The following CRPPA variants were observed in gnomAD, a reference collection of about 807,000 sequenced individuals.
CRPPA encodes the protein D-ribitol-5-phosphate cytidylyltransferase.
A neutral mutation model predicts 52.0 loss-of-function variants in CRPPA; 43 were observed. The ratio of observed to expected loss-of-function variants is 0.83; its 90% CI spans 0.65 to 1.07. CRPPA has a LOEUF of 1.07. Ranked by LOEUF, CRPPA falls within the 50% of genes least tolerant of loss-of-function variation. The pLI is 0.00. For synonymous variants in CRPPA, 250 were observed against 203.5 expected (o/e 1.23, Z -1.94); for missense variants, 629 against 551.7 (o/e 1.14, Z -1.40).
At chr7:16,276,707 A>C (rs1010371657) in intron 6 of CRPPA, 2 of 152,214 alleles carry the variant, frequency 1.3e-5, no homozygotes, top group African/African-American at 4.8e-5. Flanking sequence ...TAAGGATTGT[A>C]GTGGCTATCA....
rs145235443 is a variant in CRPPA, at chr7:16,331,296, G to T, written c.685-22669C>A. On this transcript the variant is annotated intron_variant, in intron 3 of 9. Transcript: ENST00000407010. ...TTACAGGCGTGAGCCACTGCACCTG[G>T]CCAGAAACGTGTTTTACAAGGCATA... Among the ~76,000 whole-genome samples the T allele has an allele frequency of 1.0e-3, 159 of 152,232 alleles. 1 individual carries two copies. In the East Asian group the frequency reaches 0.019, roughly 18 times the overall value.
chr7:16,138,687 T>G (rs1430681360), intron 9 of CRPPA, among the ~76,000 whole-genome samples: 1 of 152,206 alleles, frequency 6.6e-6, no homozygotes, highest in African/African-American at 2.4e-5. Flanking sequence ...AATAGTGTAA[T>G]TTTCTTTAAA....
Position 16,242,769 on chromosome 7 carries a change from TA to T in CRPPA, c.1119+15620del, listed in dbSNP as rs200236931. On this transcript the variant is annotated intron_variant, in intron 8 of 9. Coordinates refer to ENST00000407010, the MANE Select transcript of CRPPA (RefSeq NM_001101426.4). Reference sequence around the variant, plus strand: ...TCCGTTATGCTGACCAGTCTCCAATTAAAAAAAAATTTTTTTCACCTAAGCA... The same window carrying T: ...TCCGTTATGCTGACCAGTCTCCAATTAAAAAAAATTTTTTTCACCTAAGCA... Among the ~76,000 whole-genome samples the T allele has an allele frequency of 7.2e-5, 11 of 152,130 alleles. No homozygotes were observed. The South Asian group carries it at 1.0e-3, about 14-fold the overall frequency.
intron 2 of CRPPA, among the ~76,000 whole-genome samples, chr7:16,386,331 T>C (rs1218474186): frequency 1.3e-5 from 2 of 152,190 alleles, no homozygotes; most frequent in Non-Finnish European, 2.9e-5. Flanking sequence ...CTTCTGCTCA[T>C]GGAGCCTGGG....
chr7:16,119,786 G>A (rs1782446769), intron 9 of CRPPA, among the ~76,000 whole-genome samples: 1 of 152,220 alleles, frequency 6.6e-6, no homozygotes, highest in Admixed American at 6.5e-5. Context: ...GGTTTTGGAT[G>A]TTAGGAGCAA....
At chr7:16,300,040 T>G (rs1784761280) in intron 5 of CRPPA, among the ~76,000 whole-genome samples, 1 of 152,230 alleles carries the variant, frequency 6.6e-6, no homozygotes, top group Non-Finnish European at 1.5e-5. Context: ...TCAGCCGACT[T>G]TTCCAGAGTA....
At chr7:16,189,212 T>C (rs1186569618) in intron 9 of CRPPA, among the ~76,000 whole-genome samples, 2 of 152,160 alleles carry the variant, frequency 1.3e-5, no homozygotes, top group Non-Finnish European at 2.9e-5. Flanking sequence ...TCTTACAACC[T>C]TCATTGGCAA....
intron 3 of CRPPA, among the ~76,000 whole-genome samples, chr7:16,342,538 T>C (rs1785874095): frequency 6.6e-6 from 1 of 151,784 alleles, no homozygotes; most frequent in Non-Finnish European, 1.5e-5. Context: ...GGATGTGGCA[T>C]GTAAAAGTCA....
intron 9 of CRPPA, among the ~76,000 whole-genome samples, chr7:16,200,283 A>G (rs191373120): frequency 6.6e-6 from 1 of 152,342 alleles, no homozygotes; most frequent in African/African-American, 2.4e-5. Context: ...CTTACATACT[A>G]AGTGACTTAG....
chr7:16,277,637 C>T (rs1784232950), intron 6 of CRPPA, among the ~76,000 whole-genome samples: 1 of 152,164 alleles, frequency 6.6e-6, no homozygotes, highest in South Asian at 2.1e-4. Context: ...ACACTTATTG[C>T]ATCTTCTATT....
intron 3 of CRPPA, among the ~76,000 whole-genome samples, chr7:16,319,840 T>C (rs1382398736): frequency 6.6e-6 from 1 of 152,126 alleles, no homozygotes; most frequent in Non-Finnish European, 1.5e-5. Flanking sequence ...TCTGCTAGGG[T>C]GGTCATAGAT....
At chr7:16,207,356 TTTAAAA>T (rs1185193514) in intron 9 of CRPPA, among the ~76,000 whole-genome samples, 1 of 152,206 alleles carries the variant, frequency 6.6e-6, no homozygotes, top group Non-Finnish European at 1.5e-5. Flanking sequence ...ATGTCAAATC[TTTAAAA>T]TTAGGTTGAC....
chr7:16,278,260 AC>A, intron 5 of CRPPA, 34 bp from the exon 6 acceptor site: 1 of 1,113,218 alleles, frequency 9.0e-7, no homozygotes, highest in Non-Finnish European at 1.3e-6. Flanking sequence ...TAAGTTTCAA[AC>A]AAAACATGTA....
rs572550107 is a variant in CRPPA at position 16,179,625 on chromosome 7, G to T, written c.1251+36441C>A. Among the ~76,000 whole-genome samples, 5 of 152,188 alleles carry T rather than the reference G, an allele frequency of 3.3e-5. No homozygotes were observed. The East Asian group carries it at 7.7e-4, about 24-fold the overall frequency. On this transcript the variant is annotated intron_variant, in intron 9 of 9. Transcript: ENST00000407010. Reference sequence around the variant, plus strand: ...ATAAGGTATGGAATCCTCCACTAGAGACTTGAGAAGGAATGCAACCTGGCT... The same window carrying T: ...ATAAGGTATGGAATCCTCCACTAGATACTTGAGAAGGAATGCAACCTGGCT...
intron 3 of CRPPA, among the ~76,000 whole-genome samples, chr7:16,359,230 C>T (rs1295545568): frequency 2.0e-5 from 3 of 152,144 alleles, no homozygotes. Context: ...CAAGGTGATC[C>T]TCTGCCTCAG....
At chr7:16,393,685 A>C (rs1787497387) in intron 2 of CRPPA, among the ~76,000 whole-genome samples, 1 of 152,142 alleles carries the variant, frequency 6.6e-6, no homozygotes, top group South Asian at 2.1e-4. Context: ...CCAGGCAAAA[A>C]CAAAAACCAT....
At chr7:16,399,747 A>T (rs950493701) in intron 2 of CRPPA, among the ~76,000 whole-genome samples, 2 of 151,988 alleles carry the variant, frequency 1.3e-5, no homozygotes, top group Non-Finnish European at 2.9e-5. Flanking sequence ...CATGTAACTG[A>T]CACGTTTCTC....
At chr7:16,377,101 G>A (rs1213988694) in intron 2 of CRPPA, among the ~76,000 whole-genome samples, 1 of 152,154 alleles carries the variant, frequency 6.6e-6, no homozygotes, top group Non-Finnish European at 1.5e-5. Flanking sequence ...TCTTCTTGAT[G>A]AGACCAACAT....
chr7:16,241,831 T>G (rs1783115907), intron 8 of CRPPA, among the ~76,000 whole-genome samples: 3 of 152,036 alleles, frequency 2.0e-5, no homozygotes, highest in Admixed American at 6.6e-5. Context: ...GAAATCTCCT[T>G]TATCACTGGG....
Sources: allele counts gnomAD v4.1 joint callset (sites outside exome capture counted in the v4.1 genomes callset), GRCh38; gene constraint gnomAD v4.1.1; transcripts MANE v1.5; gene names NCBI Gene and HGNC (gene_info 2026-07-23, HGNC 2026-07-21).